The following SYNPR variants were observed in gnomAD, a reference collection of about 807,000 sequenced individuals.
SYNPR encodes synaptoporin.
Under a neutral mutation model 32.9 loss-of-function variants are expected in SYNPR, and 23 were observed. The ratio of observed to expected loss-of-function variants is 0.70; its 90% CI spans 0.50 to 0.99. The LOEUF is 0.99. Among genes scored for constraint, SYNPR ranks in the 50% least tolerant of loss-of-function variants. SYNPR has a pLI of 0.00. For missense variants in SYNPR, 318 were observed against 349.3 expected, an observed-to-expected ratio of 0.91 and a Z score of 0.71; for synonymous variants, 146 against 135.9, an observed-to-expected ratio of 1.07 and a Z score of -0.52.
At chr3:63,381,343 C>A (rs1332476267) in intron 2 of SYNPR, among the ~76,000 whole-genome samples, 1 of 152,148 alleles carries the variant, frequency 6.6e-6, no homozygotes, top group Non-Finnish European at 1.5e-5. Flanking sequence ...ATCCAACTTA[C>A]AAGGGATGTG....
chr3:63,492,240 G>A (rs1312277727), intron 3 of SYNPR, among the ~76,000 whole-genome samples: 1 of 152,198 alleles, frequency 6.6e-6, no homozygotes. Flanking sequence ...CCAGAGCACA[G>A]GAGGAGTAGG....
intron 3 of SYNPR, among the ~76,000 whole-genome samples, chr3:63,552,212 T>C (rs1702515815): frequency 6.6e-6 from 1 of 152,210 alleles, no homozygotes; most frequent in Non-Finnish European, 1.5e-5. Context: ...CTGGCTATTA[T>C]GTGAACTATA....
At position 63,361,214 on chromosome 3, in the gene SYNPR, A is replaced by G. The variant is rs542970863; in HGVS notation, c.84+82472A>G. Among the ~76,000 whole-genome samples the G allele has an allele frequency of 3.8e-4, 58 of 152,234 alleles. 1 individual carries two copies. The South Asian group carries it at 0.012, about 31-fold the overall frequency. The stretch of plus-strand genomic sequence containing the variant: ...CAGGGCAAGGTAAGTTTCTGTTAAA[A>G]TTACACCTGCAGGATGGTGTGCAAT... On this transcript the variant is annotated intron_variant, in intron 2 of 5. Coordinates refer to ENST00000478300, the MANE Select transcript of SYNPR (RefSeq NM_001130003.2).
intron 2 of SYNPR, among the ~76,000 whole-genome samples, chr3:63,380,771 C>T (rs578049226): frequency 6.6e-6 from 1 of 152,114 alleles, no homozygotes. Context: ...TAAACGTAAT[C>T]CAGCATATAC....
intron 4 of SYNPR, among the ~76,000 whole-genome samples, chr3:63,595,154 C>T (rs1211325288): frequency 6.6e-6 from 1 of 152,094 alleles, no homozygotes; most frequent in African/African-American, 2.4e-5. Flanking sequence ...GGGTGATAAC[C>T]ATCAAAAAGA....
At chr3:63,528,860 C>T (rs1017910221) in intron 3 of SYNPR, among the ~76,000 whole-genome samples, 1 of 152,130 alleles carries the variant, frequency 6.6e-6, no homozygotes, top group African/African-American at 2.4e-5. Flanking sequence ...TATATGATGT[C>T]TTCATCCTTT....
At chr3:63,338,818 CA>C (rs1560197219) in intron 2 of SYNPR, among the ~76,000 whole-genome samples, 2 of 152,216 alleles carry the variant, frequency 1.3e-5, no homozygotes, top group Non-Finnish European at 2.9e-5. Context: ...GGGACATGTT[CA>C]GAATCCAGCA....
At chr3:63,547,697 A>G (rs1220135493) in intron 3 of SYNPR, among the ~76,000 whole-genome samples, 1 of 152,134 alleles carries the variant, frequency 6.6e-6, no homozygotes, top group African/African-American at 2.4e-5. Flanking sequence ...ATGGTGCAAG[A>G]AGTCACCAAA....
At chr3:63,405,315 C>T (rs1355820863) in intron 2 of SYNPR, among the ~76,000 whole-genome samples, 7 of 152,148 alleles carry the variant, frequency 4.6e-5, no homozygotes, top group Admixed American at 4.6e-4. Context: ...ACAAGGAAAA[C>T]ACACAACACA....
chr3:63,246,771 G>A (rs936715903), intron 1 of SYNPR, among the ~76,000 whole-genome samples: 38 of 152,172 alleles, frequency 2.5e-4, no homozygotes, highest in African/African-American at 7.9e-4. Context: ...GGATGTCACA[G>A]TAGTTGAGAA....
At chr3:63,406,892 G>A (rs902965029) in intron 2 of SYNPR, among the ~76,000 whole-genome samples, 1 of 152,146 alleles carries the variant, frequency 6.6e-6, no homozygotes, top group South Asian at 2.1e-4. Flanking sequence ...ACTGCTGATA[G>A]AATAGATTTG....
chr3:63,347,332 G>T (rs1193707222), intron 2 of SYNPR, among the ~76,000 whole-genome samples: 2 of 152,140 alleles, frequency 1.3e-5, no homozygotes, highest in Non-Finnish European at 2.9e-5. Context: ...ATAAATTCTA[G>T]AATTTTCTAT....
chr3:63,569,561 G>A (rs1337658853), intron 4 of SYNPR, among the ~76,000 whole-genome samples: 3 of 152,222 alleles, frequency 2.0e-5, no homozygotes. Context: ...AGATACTAAG[G>A]AAACATCACA....
chr3:63,507,528 T>G (rs879324055), intron 3 of SYNPR, among the ~76,000 whole-genome samples: 1 of 152,176 alleles, frequency 6.6e-6, no homozygotes, highest in Admixed American at 6.5e-5. Flanking sequence ...TGGGGGAAAT[T>G]AGGGACTGTC....
chr3:63,209,606 T>C, the SYNPR span, among the ~76,000 whole-genome samples: 1 of 152,344 alleles, frequency 6.6e-6, no homozygotes, highest in Admixed American at 6.5e-5. Flanking sequence ...TACCAGCATG[T>C]TCTGGCTCCT....
At chr3:63,394,218 C>T (rs542638392) in intron 2 of SYNPR, among the ~76,000 whole-genome samples, 2 of 152,290 alleles carry the variant, frequency 1.3e-5, no homozygotes, top group South Asian at 2.1e-4. Context: ...ACCTATGTGA[C>T]CTTGAACAAG....
At chr3:63,440,714 C>G (rs1465789095) in intron 2 of SYNPR, among the ~76,000 whole-genome samples, 1 of 152,154 alleles carries the variant, frequency 6.6e-6, no homozygotes, top group Non-Finnish European at 1.5e-5. Flanking sequence ...AGTAGAAACC[C>G]TTCAATTTAA....
intron 3 of SYNPR, among the ~76,000 whole-genome samples, chr3:63,541,252 G>A (rs1348533813): frequency 6.7e-6 from 1 of 150,364 alleles, no homozygotes; most frequent in African/African-American, 2.4e-5. Context: ...TTACCTCTTG[G>A]ACTCAGTCTT....
intron 2 of SYNPR, among the ~76,000 whole-genome samples, chr3:63,474,679 G>A (rs1170387700): frequency 2.0e-5 from 3 of 152,200 alleles, no homozygotes; most frequent in Middle Eastern, 3.4e-3. Flanking sequence ...TTATTCCTGG[G>A]AGATTTGTTT....
Sources: gnomAD v4.1 joint callset for allele counts (sites outside exome capture counted in the v4.1 genomes callset) on GRCh38, gnomAD v4.1.1 for gene constraint, MANE v1.5 for transcripts, NCBI Gene and HGNC (gene_info 2026-07-23, HGNC 2026-07-21) for gene names.